The following PRKCE variants were observed in gnomAD, a reference collection of about 807,000 sequenced individuals.
PRKCE encodes the protein protein kinase C epsilon type.
PRKCE carries 16 observed loss-of-function variants against 85.4 expected under a neutral mutation model. The ratio of observed to expected loss-of-function variants is 0.19; its 90% CI spans 0.13 to 0.28. The LOEUF (loss-of-function observed/expected upper bound fraction) is 0.28. PRKCE is among the 10% of genes least tolerant of loss of function. The pLI, the probability that PRKCE is intolerant of heterozygous loss-of-function variation, is 1.00. For synonymous variants in PRKCE, 388 were observed against 371.5 expected (o/e 1.04, Z -0.51); for missense variants, 573 against 975.2 (o/e 0.59, Z 5.49).
intron 11 of PRKCE, among the ~76,000 whole-genome samples, chr2:46,116,100 C>T (rs180977664): frequency 6.6e-6 from 1 of 152,124 alleles, no homozygotes; most frequent in African/African-American, 2.4e-5. Flanking sequence ...TGCTTAGTCT[C>T]GAAATGTTTC....
At chr2:45,725,635 A>T (rs1680997829) in intron 1 of PRKCE, among the ~76,000 whole-genome samples, 2 of 152,158 alleles carry the variant, frequency 1.3e-5, no homozygotes, top group Admixed American at 6.6e-5. Flanking sequence ...GATCGAGACC[A>T]TCCTGGCCAA....
chr2:45,920,523 A>G (rs1698173343), intron 2 of PRKCE, among the ~76,000 whole-genome samples: 2 of 152,276 alleles, frequency 1.3e-5, no homozygotes, highest in Admixed American at 1.3e-4. Flanking sequence ...CAACTGCTGA[A>G]TGGATAAATA....
chr2:45,825,916 A>G (rs1399758129), intron 1 of PRKCE, among the ~76,000 whole-genome samples: 2 of 151,066 alleles, frequency 1.3e-5, no homozygotes, highest in Admixed American at 6.6e-5. Context: ...CACAGTGTAT[A>G]TTTGGCAGGG....
chr2:45,693,532 G>A (rs1677903171), intron 1 of PRKCE, among the ~76,000 whole-genome samples: 1 of 152,190 alleles, frequency 6.6e-6, no homozygotes, highest in South Asian at 2.1e-4. Flanking sequence ...GAAGGGCAGG[G>A]AGGAAGGTCG....
intron 1 of PRKCE, chr2:45,770,866 G>A (rs919700802): frequency 4.0e-5 from 1 of 25,184 alleles, no homozygotes; most frequent in African/African-American, 5.3e-5. Flanking sequence ...ACAAACAAGG[G>A]CTTTTTTTTT....
intron 11 of PRKCE, among the ~76,000 whole-genome samples, chr2:46,129,217 T>G (rs928185206): frequency 6.6e-5 from 10 of 152,186 alleles, no homozygotes; most frequent in African/African-American, 2.4e-4. Context: ...GCACCGTCAG[T>G]GAGCACAGGG....
rs185136407 is a variant in PRKCE, at chr2:46,014,860, A to T, written c.1437+4343A>T. 6.8e-4 allele frequency among the ~76,000 whole-genome samples: 104 copies of T among 152,306 alleles called. No individual in the cohort carries two copies. The East Asian group carries it at 0.015, about 22-fold the overall frequency. ...TAGGGGTAAAGACATGGCTGCTGAAACCTAGAAATTATTTCCAAATCTCAT... is the reference window on the plus strand; with the variant it reads ...TAGGGGTAAAGACATGGCTGCTGAATCCTAGAAATTATTTCCAAATCTCAT... On this transcript the variant is annotated intron_variant, in intron 10 of 14. Transcript: ENST00000306156.
At position 46,185,670 on chromosome 2, in the gene PRKCE, T is replaced by C. The variant is rs1680398213; in HGVS notation, c.*789T>C. The C allele has an allele frequency of 1.3e-5, 2 of 152,462 alleles. No individual in the cohort carries two copies. Among genetic ancestry groups the C allele is most frequent in the African/African-American group, 2.4e-5 (1 of 41,450 alleles). 9.4% of individuals were successfully genotyped at this position (152,462 alleles called of 1,614,324 possible). On this transcript the variant is annotated 3_prime_UTR_variant, in exon 15 of 15. Transcript: ENST00000306156. This position sits in a 1 kb window ranked among gnomAD's most constrained non-coding sequence, Gnocchi z 4.7. ...TAGATATTAAAGGGCTAATAAAAAA[T>C]GAGAAACCGGTCGTCCAAGGTGGAT...
Position 45,850,943 on chromosome 2 carries a change from G to A in PRKCE, c.412+7880G>A, listed in dbSNP as rs138259495. Among the ~76,000 whole-genome samples, 1,035 of 152,330 alleles carry A rather than the reference G, an allele frequency of 6.8e-3. 1 individual carries two copies. Among genetic ancestry groups the A allele is most frequent in the Non-Finnish European group, 0.01 (685 of 68,026 alleles). On this transcript the variant is annotated intron_variant, in intron 2 of 14. Coordinates refer to ENST00000306156, the MANE Select transcript of PRKCE (RefSeq NM_005400.3). ...CTAATGAACACAGTGCCTGCTGTCA[G>A]GAAGCTCATGCTCTGCTAGAAGGAG...
chr2:46,000,658 C>G (rs1449234644), intron 6 of PRKCE, among the ~76,000 whole-genome samples: 1 of 151,992 alleles, frequency 6.6e-6, no homozygotes, highest in African/African-American at 2.4e-5. Flanking sequence ...GAGCACGACT[C>G]TCAACTGAAT....
intron 14 of PRKCE, among the ~76,000 whole-genome samples, chr2:46,174,844 C>A (rs527389637): frequency 6.6e-6 from 1 of 152,116 alleles, no homozygotes; most frequent in Non-Finnish European, 1.5e-5. Flanking sequence ...CACGTGCCAC[C>A]GTGTCTGGCT....
chr2:45,714,326 C>T (rs1309698188), intron 1 of PRKCE, among the ~76,000 whole-genome samples: 2 of 152,122 alleles, frequency 1.3e-5, no homozygotes, highest in Non-Finnish European at 2.9e-5. Flanking sequence ...GAAGGACTGT[C>T]CTACAAAGAT....
rs1693745451 is a variant in PRKCE, at chr2:45,868,013, C to T, written c.412+24950C>T. Among the ~76,000 whole-genome samples the T allele has an allele frequency of 3.3e-5, 5 of 152,036 alleles. No homozygotes were observed. The South Asian group carries it at 1.0e-3, about 32-fold the overall frequency. On this transcript the variant is annotated intron_variant, in intron 2 of 14. Transcript: ENST00000306156. ...CGTATCATTGTTTTGATGCCTCATT[C>T]CCGCCAGGTTTTTCTATGGCCCCAC... is the stretch of plus-strand genomic sequence containing the variant.
At chr2:45,704,778 A>T (rs1308852715) in intron 1 of PRKCE, among the ~76,000 whole-genome samples, 1 of 152,208 alleles carries the variant, frequency 6.6e-6, no homozygotes, top group African/African-American at 2.4e-5. Context: ...CCTAAGTGTT[A>T]TGCCTAAGAA....
chr2:45,671,844 G>T (rs1389950775), intron 1 of PRKCE, among the ~76,000 whole-genome samples: 2 of 152,058 alleles, frequency 1.3e-5, no homozygotes, highest in Admixed American at 6.6e-5. Context: ...CGAGGCAGGG[G>T]GATTGCTTGA....
At chr2:45,827,684 T>C (rs535674958) in intron 1 of PRKCE, among the ~76,000 whole-genome samples, 1 of 152,366 alleles carries the variant, frequency 6.6e-6, no homozygotes, top group East Asian at 1.9e-4. Flanking sequence ...GATTACATGT[T>C]AAGGCAGGTT....
chr2:46,186,508 G>A lies in PRKCE; in HGVS notation c.*1627G>A, dbSNP rs1347571833. The A allele has an allele frequency of 1.3e-5, 2 of 152,478 alleles. No homozygotes were observed. Among genetic ancestry groups the A allele is most frequent in the African/African-American group, 4.8e-5 (2 of 41,368 alleles). 9.4% of individuals were successfully genotyped at this position (152,478 alleles called of 1,614,324 possible). On this transcript the variant is annotated 3_prime_UTR_variant, in exon 15 of 15. Coordinates refer to ENST00000306156, the MANE Select transcript of PRKCE (RefSeq NM_005400.3). ...GAAAGAATAATTATAATAATGTCCAGGTGCAATACTCTGTAAGTCTATTGG... is the reference window on the plus strand; with the variant it reads ...GAAAGAATAATTATAATAATGTCCAAGTGCAATACTCTGTAAGTCTATTGG...
chr2:46,014,015 A>T (rs1016771690), intron 10 of PRKCE, among the ~76,000 whole-genome samples: 3 of 152,200 alleles, frequency 2.0e-5, no homozygotes, highest in African/African-American at 7.2e-5. Flanking sequence ...TGAAGGGCCA[A>T]CTTACAGCTG....
At chr2:45,674,766 C>T (rs551648606) in intron 1 of PRKCE, 2 of 152,186 alleles carry the variant, frequency 1.3e-5, no homozygotes, top group African/African-American at 4.8e-5. Flanking sequence ...AAGAGGTGGG[C>T]ACTGCTTGAG....
Sources: gnomAD v4.1 joint callset for allele counts (sites outside exome capture counted in the v4.1 genomes callset) on GRCh38, gnomAD v4.1.1 for gene constraint, Gnocchi (gnomAD v3.1) non-coding constraint, MANE v1.5 for transcripts, NCBI Gene and HGNC (gene_info 2026-07-23, HGNC 2026-07-21) for gene names.